Variants in TNIK observed in about 807,000 individuals in gnomAD.
TNIK encodes the protein TRAF2 and NCK-interacting protein kinase.
Under a neutral mutation model 191.3 loss-of-function variants are expected in TNIK, and 49 were observed. The observed-to-expected ratio is 0.26, with a 90% CI of 0.20 to 0.32. TNIK has a LOEUF of 0.32. Ranked by LOEUF, TNIK falls within the 10% of genes least tolerant of loss-of-function variation. The pLI is 1.00. For synonymous variants in TNIK, 594 were observed against 600.9 expected, an observed-to-expected ratio of 0.99 and a Z score of 0.17; for missense variants, 1,155 against 1,702.3, an observed-to-expected ratio of 0.68 and a Z score of 5.66.
intron 7 of TNIK, among the ~76,000 whole-genome samples, chr3:171,183,032 G>A (rs746110508): frequency 6.6e-6 from 1 of 152,190 alleles, no homozygotes; most frequent in African/African-American, 2.4e-5. Context: ...ACGAATGTGG[G>A]TACAGATAGA....
intron 1 of TNIK, among the ~76,000 whole-genome samples, chr3:171,369,945 T>A (rs1577666453): frequency 6.6e-6 from 1 of 152,172 alleles, no homozygotes; most frequent in East Asian, 1.9e-4. Context: ...CTTTTTCAAG[T>A]GAAATAATAA....
intron 2 of TNIK, among the ~76,000 whole-genome samples, chr3:171,328,624 C>T (rs372586406): frequency 4.7e-4 from 72 of 152,206 alleles, no homozygotes; most frequent in Middle Eastern, 3.4e-3. Context: ...TTTAAGATGA[C>T]GCAATAATTG....
chr3:171,322,803 T>G (rs992869672), intron 2 of TNIK, among the ~76,000 whole-genome samples: 6 of 88,572 alleles, frequency 6.8e-5, no homozygotes, highest in African/African-American at 2.1e-4. Context: ...GTTATTAGTG[T>G]TTTTTTTGTT....
In TNIK at chr3:171,228,239, T is replaced by C. The variant is rs76246285; in HGVS notation, c.124-18A>G. 1,812 of 1,613,234 alleles carry C rather than the reference T, an allele frequency of 1.1e-3. 15 individuals are homozygous for C. The African/African-American group carries it at 0.021, about 19-fold the overall frequency. ...TGACGACCCTGTGAAGAAAAAATAA[T>C]AACAAAAGATTTAGTTCTGATGATG... On this transcript the variant is annotated intron_variant, in intron 2 of 32. Coordinates refer to ENST00000436636, the MANE Select transcript of TNIK (RefSeq NM_015028.4).
chr3:171,067,735 A>C (rs1228485930), intron 30 of TNIK, among the ~76,000 whole-genome samples: 1 of 152,118 alleles, frequency 6.6e-6, no homozygotes, highest in Non-Finnish European at 1.5e-5. Flanking sequence ...TAGGAAAGGA[A>C]ATGTGATGTT....
chr3:171,258,419 A>C (rs1244643903), intron 2 of TNIK, among the ~76,000 whole-genome samples: 3 of 152,170 alleles, frequency 2.0e-5, no homozygotes, highest in Non-Finnish European at 2.9e-5. Flanking sequence ...AAGGCCTAGG[A>C]GATGGGAGGA....
rs1047971299 is a variant in TNIK at position 171,064,055 on chromosome 3, T to C, written c.4000-91A>G. ...CATCCATTTTCTCTCACATGTCCTA[T>C]CCTTGCCATGTGTCAGGTCTTAAGA... On this transcript the variant is annotated intron_variant, in intron 32 of 32. Coordinates refer to ENST00000436636, the MANE Select transcript of TNIK (RefSeq NM_015028.4). 19 of 1,215,576 alleles carry C rather than the reference T, an allele frequency of 1.6e-5. No individual in the cohort carries two copies. The Admixed American group carries it at 3.8e-4, about 24-fold the overall frequency. The allele number at this position is 1,215,576 out of a possible 1,614,324, so 75.3% of individuals were successfully genotyped here.
chr3:171,158,612 C>T lies in TNIK; in HGVS notation c.1017-948G>A, dbSNP rs1266246449. ...AATAAATCTATTAAACACATATTTA[C>T]GGAGCACCTGCTATGTGGCAGTCAC... On this transcript the variant is annotated intron_variant, in intron 11 of 32. Transcript: ENST00000436636. Among the ~76,000 whole-genome samples, 4 of 152,276 alleles carry T rather than the reference C, an allele frequency of 2.6e-5. No individual in the cohort carries two copies. The South Asian group carries it at 6.2e-4, about 24-fold the overall frequency.
intron 1 of TNIK, among the ~76,000 whole-genome samples, chr3:171,452,241 T>G (rs1728250544): frequency 6.6e-6 from 1 of 152,088 alleles, no homozygotes; most frequent in Non-Finnish European, 1.5e-5. Flanking sequence ...ATTTAAAAAT[T>G]AGAAAGGGAT....
chr3:171,406,195 G>A (rs1721649538), intron 1 of TNIK, among the ~76,000 whole-genome samples: 1 of 152,046 alleles, frequency 6.6e-6, no homozygotes, highest in African/African-American at 2.4e-5. Context: ...CTTACCATGG[G>A]TTCAGTGGTG....
At chr3:171,311,332 GCA>G (rs757891776) in intron 2 of TNIK, among the ~76,000 whole-genome samples, 93 of 152,154 alleles carry the variant, frequency 6.1e-4, no homozygotes, top group Non-Finnish European at 2.6e-4. Flanking sequence ...GCTGATGACA[GCA>G]CACTTTCCAG....
intron 2 of TNIK, among the ~76,000 whole-genome samples, chr3:171,306,158 A>G (rs1753427228): frequency 6.6e-6 from 1 of 152,162 alleles, no homozygotes. Flanking sequence ...TGGGAGCTAA[A>G]TAATGAGAAC....
chr3:171,313,239 GCTTTCTTTCTTTCTTT>G (rs71762733), intron 2 of TNIK, among the ~76,000 whole-genome samples: 14 of 150,276 alleles, frequency 9.3e-5, no homozygotes, highest in African/African-American at 1.5e-4. Flanking sequence ...CCAACATTTA[GCTTTCTTTCTTTCTTT>G]CTTTCTTTCT....
At chr3:171,248,449 G>A (rs905153654) in intron 2 of TNIK, among the ~76,000 whole-genome samples, 1 of 152,226 alleles carries the variant, frequency 6.6e-6, no homozygotes, top group Non-Finnish European at 1.5e-5. Context: ...AAGAACAAAG[G>A]ATAAAGGAGA....
At chr3:171,346,535 C>T (rs1712220292) in intron 2 of TNIK, among the ~76,000 whole-genome samples, 1 of 152,130 alleles carries the variant, frequency 6.6e-6, no homozygotes, top group African/African-American at 2.4e-5. Context: ...AGACAAGTCT[C>T]TGGCCTCATG....
At chr3:171,079,701 C>CT in intron 27 of TNIK, 49 bp from the exon 28 acceptor site, 1 of 1,546,556 alleles carries the variant, frequency 6.5e-7, no homozygotes, top group Non-Finnish European at 8.7e-7. Context: ...ACAGCTCTCA[C>CT]TTTTTCCTTC....
At position 171,434,688 on chromosome 3, in the gene TNIK, G is replaced by A. The variant is rs147497052; in HGVS notation, c.57+25319C>T. 3.1e-3 allele frequency among the ~76,000 whole-genome samples: 465 copies of A among 152,136 alleles called. 5 individuals carry two copies. Among genetic ancestry groups the A allele is most frequent in the African/African-American group, 0.01 (435 of 41,498 alleles). Reference sequence around the variant, plus strand: ...TTGCCCAGGCTGGTCTTGAACTCCTGGCCTCAAGCCATCCTCCCACCTTGG... The same window carrying A: ...TTGCCCAGGCTGGTCTTGAACTCCTAGCCTCAAGCCATCCTCCCACCTTGG... On this transcript the variant is annotated intron_variant, in intron 1 of 32. Coordinates refer to ENST00000436636, the MANE Select transcript of TNIK (RefSeq NM_015028.4).
chr3:171,305,951 A>T (rs1378897781), intron 2 of TNIK, among the ~76,000 whole-genome samples: 2 of 152,204 alleles, frequency 1.3e-5, no homozygotes, highest in Admixed American at 6.5e-5. Context: ...AATAGCAAAG[A>T]CATGAAATCA....
intron 2 of TNIK, among the ~76,000 whole-genome samples, chr3:171,285,822 T>A (rs1319865189): frequency 1.3e-5 from 2 of 152,216 alleles, no homozygotes; most frequent in Non-Finnish European, 2.9e-5. Flanking sequence ...ACAGAACAAC[T>A]GGATCAGTGT....
Sources: gnomAD v4.1 joint callset for allele counts (sites outside exome capture counted in the v4.1 genomes callset) on GRCh38, gnomAD v4.1.1 for gene constraint, MANE v1.5 for transcripts, NCBI Gene and HGNC (gene_info 2026-07-23, HGNC 2026-07-21) for gene names.